The following HDAC9 variants were observed in gnomAD, a reference collection of about 807,000 sequenced individuals.
HDAC9 encodes MEF-2 interacting transcription repressor (MITR) protein.
A neutral mutation model predicts 139.4 loss-of-function variants in HDAC9; 41 were observed. That is an observed-to-expected ratio of 0.29 (90% CI 0.23 to 0.38). The LOEUF (loss-of-function observed/expected upper bound fraction) is 0.38, where lower values mean the gene tolerates loss of function less well. Among genes scored for constraint, HDAC9 ranks in the 10% least tolerant of loss-of-function variants. The pLI, the probability that HDAC9 is intolerant of heterozygous loss-of-function variation, is 1.00. For synonymous variants in HDAC9, 517 were observed against 476.2 expected, an observed-to-expected ratio of 1.09 and a Z score of -1.12; for missense variants, 1,147 against 1,297.0, an observed-to-expected ratio of 0.88 and a Z score of 1.78.
At position 18,668,981 on chromosome 7, in the gene HDAC9, A is replaced by G. The variant is rs572336809; in HGVS notation, c.1731+2505A>G. 1.2e-4 allele frequency: 85 copies of G among 686,628 alleles called. 1 individual carries two copies. The South Asian group carries it at 4.6e-3, about 37-fold the overall frequency. 42.5% of individuals were successfully genotyped at this position (686,628 alleles called of 1,614,324 possible). On this transcript the variant is annotated intron_variant, in intron 12 of 25. Coordinates refer to ENST00000686413, the MANE Select transcript of HDAC9 (RefSeq NM_178425.4). ...AAATAAAGACATTTTGAGCAGTTAC[A>G]TCTAATACCATTAAAAACAATAAAT... is the stretch of plus-strand genomic sequence containing the variant.
At chr7:18,940,504 C>G (rs1055352311) in intron 23 of HDAC9, among the ~76,000 whole-genome samples, 2 of 152,006 alleles carry the variant, frequency 1.3e-5, no homozygotes, top group Non-Finnish European at 2.9e-5. Context: ...TATTTTTGAT[C>G]TTTTTCAATG....
At chr7:18,936,029 A>C in intron 23 of HDAC9, 87 bp downstream of exon 23, 1 of 1,312,694 alleles carries the variant, frequency 7.6e-7, no homozygotes, top group South Asian at 1.4e-5. Flanking sequence ...AATTCTGCAT[A>C]CTCAGAAAGC....
chr7:18,788,673 T>C (rs1172346349), intron 16 of HDAC9, among the ~76,000 whole-genome samples: 1 of 151,226 alleles, frequency 6.6e-6, no homozygotes, highest in Non-Finnish European at 1.5e-5. Flanking sequence ...AAGAATGGCT[T>C]GAACCCAGGA....
At position 18,880,843 on chromosome 7, in the gene HDAC9, C is replaced by CG. The variant is rs33919260; in HGVS notation, c.2803+6258dup. Among the ~76,000 whole-genome samples the CG allele has an allele frequency of 8.9e-3, 1,243 of 139,306 alleles. 6 individuals are homozygous for CG. The highest frequency in any genetic ancestry group is 0.016 in the African/African-American group (589 of 37,212). The allele number at this position is 139,306 out of a possible 152,430, so 91.4% of individuals were successfully genotyped here. ...TTAAAAAAGAATAGTTAATAGTTGC[C>CG]GGGGGGGGGGGAACCAAATAACAAA... is the stretch of plus-strand genomic sequence containing the variant. On this transcript the variant is annotated intron_variant, in intron 22 of 25. Transcript: ENST00000686413.
chr7:18,685,419 C>G (rs1361662347), intron 12 of HDAC9, among the ~76,000 whole-genome samples: 2 of 151,798 alleles, frequency 1.3e-5, no homozygotes, highest in East Asian at 3.9e-4. Flanking sequence ...CCTCAGTTTC[C>G]TCATTTGTTA....
chr7:18,209,676 C>T lies in HDAC9; in HGVS notation c.25+47327C>T, dbSNP rs146259950. 6.6e-5 allele frequency among the ~76,000 whole-genome samples: 10 copies of T among 151,868 alleles called. No homozygotes were observed. The East Asian group carries it at 1.2e-3, about 18-fold the overall frequency. ...GTTGGAGCTTAATAAAAAAGCAGAA[C>T]ATCTTAAGGTAAAAGAGCAGGTACT... On this transcript the variant is annotated intron_variant, in intron 2 of 12. Transcript: ENST00000417496.
chr7:18,725,050 T>C (rs1412916944), intron 12 of HDAC9, among the ~76,000 whole-genome samples: 1 of 152,098 alleles, frequency 6.6e-6, no homozygotes, highest in Non-Finnish European at 1.5e-5. Flanking sequence ...AGGGGTGATC[T>C]AGAAAGGATG....
chr7:18,512,775 C>A lies in HDAC9; in HGVS notation c.22+16451C>A, dbSNP rs184659532. ...AGCACAATGTTGATTAAAATCCTGA[C>A]AGGATCTATGAAGGAACAAGGCATA... On this transcript the variant is annotated intron_variant, in intron 2 of 25. Transcript: ENST00000686413. 2.0e-5 allele frequency among the ~76,000 whole-genome samples: 3 copies of A among 152,224 alleles called. No homozygotes were observed. The East Asian group carries it at 5.8e-4, about 29-fold the overall frequency.
intron 1 of HDAC9, among the ~76,000 whole-genome samples, chr7:18,300,404 G>C (rs1289910723): frequency 6.6e-6 from 1 of 151,750 alleles, no homozygotes; most frequent in African/African-American, 2.4e-5. Flanking sequence ...TACATGTCAG[G>C]TTTTCTTTGA....
intron 1 of HDAC9, among the ~76,000 whole-genome samples, chr7:18,310,809 TAC>T (rs71847714): frequency 0.087 from 12,461 of 142,976 alleles, 592 homozygotes; most frequent in African/African-American, 0.13. Flanking sequence ...ACAAATCCAT[TAC>T]ACACACACAC....
chr7:18,705,863 ATAAAATAAAAT>A lies in HDAC9; in HGVS notation c.1732-21716_1732-21706del, dbSNP rs796738333. 5.4e-5 allele frequency among the ~76,000 whole-genome samples: 7 copies of A among 130,680 alleles called. 1 individual carries two copies. In the East Asian group the frequency reaches 9.5e-4, roughly 18 times the overall value. The allele number at this position is 130,680 out of a possible 152,430, so 85.7% of individuals were successfully genotyped here. On this transcript the variant is annotated intron_variant, in intron 12 of 25. Transcript: ENST00000686413. ...GAGAGACTCTGTCTCAAAAAAAAAA[ATAAAATAAAAT>A]AAAATAAAAGAAATGGTTCAGACCC...
chr7:18,980,828 C>T lies in HDAC9; in HGVS notation c.3170+4875C>T, dbSNP rs1483575932. 2.0e-5 allele frequency among the ~76,000 whole-genome samples: 3 copies of T among 148,974 alleles called. 1 individual carries two copies. Among genetic ancestry groups the T allele is most frequent in the South Asian group, 4.2e-4 (2 of 4,716 alleles). ...CTTCCTTCTCCTCCGTCTCCTTCTT[C>T]TTCTTTTTTTTTTGAGATGGAGTCT... On this transcript the variant is annotated intron_variant, in intron 25 of 25. Coordinates refer to ENST00000686413, the MANE Select transcript of HDAC9 (RefSeq NM_178425.4).
At chr7:18,634,499 A>G (rs2128990915) in intron 7 of HDAC9, 128 bp from the exon 8 acceptor site, 2 of 606,626 alleles carry the variant, frequency 3.3e-6, no homozygotes, top group Non-Finnish European at 5.7e-6. Context: ...AGTTCTTTCT[A>G]TTTTGTGAAA....
intron 14 of HDAC9, among the ~76,000 whole-genome samples, chr7:18,751,499 A>T (rs1047059343): frequency 6.6e-6 from 1 of 152,154 alleles, no homozygotes; most frequent in African/African-American, 2.4e-5. Flanking sequence ...ATTATATATG[A>T]TAATGCTCCT....
At chr7:18,835,693 C>T (rs768149352) in intron 20 of HDAC9, 107 bp downstream of exon 20, 6 of 1,432,946 alleles carry the variant, frequency 4.2e-6, no homozygotes, top group South Asian at 1.2e-5. Flanking sequence ...TTAAATTACA[C>T]GAGATTACTG....
At chr7:18,989,272 C>G (rs937335571) in intron 25 of HDAC9, among the ~76,000 whole-genome samples, 1 of 150,458 alleles carries the variant, frequency 6.6e-6, no homozygotes, top group Admixed American at 6.6e-5. Context: ...GTGACAAAAT[C>G]TCTCAGCATT....
At chr7:18,168,879 G>GTTTTTTTT (rs112502543) in intron 2 of HDAC9, among the ~76,000 whole-genome samples, 1 of 80,884 alleles carries the variant, frequency 1.2e-5, no homozygotes, top group Non-Finnish European at 2.5e-5. Flanking sequence ...CAAATGTCTT[G>GTTTTTTTT]TTTTTTTTTT....
chr7:18,525,777 GT>G (rs1292557020), intron 2 of HDAC9, among the ~76,000 whole-genome samples: 29 of 152,174 alleles, frequency 1.9e-4, no homozygotes, highest in African/African-American at 7.0e-4. Flanking sequence ...ATAGGATGCT[GT>G]ATATCTGTTC....
chr7:18,905,943 CTT>C (rs1159035249), intron 22 of HDAC9, among the ~76,000 whole-genome samples: 1 of 148,592 alleles, frequency 6.7e-6, no homozygotes, highest in East Asian at 2.0e-4. Context: ...TCTTTCTCCT[CTT>C]TCTTTCCTTC....
Sources: allele counts gnomAD v4.1 joint callset (sites outside exome capture counted in the v4.1 genomes callset), GRCh38; gene constraint gnomAD v4.1.1; transcripts MANE v1.5; gene names NCBI Gene and HGNC (gene_info 2026-07-23, HGNC 2026-07-21).